Variants in ROBO3 observed in about 807,000 individuals in gnomAD.
ROBO3 encodes the protein roundabout guidance receptor 3.
A neutral mutation model predicts 160.5 loss-of-function variants in ROBO3; 97 were observed. The observed-to-expected ratio is 0.60, with a 90% CI of 0.51 to 0.72. The LOEUF is 0.72. Ranked by LOEUF, ROBO3 falls within the 30% of genes least tolerant of loss-of-function variation. The pLI is 0.00. For missense variants in ROBO3, 1,858 were observed against 1,846.5 expected, an observed-to-expected ratio of 1.01 and a Z score of -0.11; for synonymous variants, 780 against 746.2, an observed-to-expected ratio of 1.05 and a Z score of -0.74.
chr11:124,870,670 C>T lies in ROBO3; in HGVS notation c.975C>T (p.Thr325=). The T allele has an allele frequency of 6.2e-7, 1 of 1,613,230 alleles. No individual in the cohort carries two copies. Among genetic ancestry groups the T allele is most frequent in the Non-Finnish European group, 8.5e-7 (1 of 1,179,666 alleles). ...HVSAEDEGTY[T]CVAENSVGRA... Reference sequence around the variant, plus strand: ...GTGCCGAAGATGAGGGAACGTACACCTGTGTGGCGGAGAACAGTGTGGGCC... The same window carrying T: ...GTGCCGAAGATGAGGGAACGTACACTTGTGTGGCGGAGAACAGTGTGGGCC... Residue 325 remains threonine, a synonymous_variant, in exon 6 of 28, where the codon ACC becomes ACT. Coordinates refer to ENST00000397801, the MANE Select transcript of ROBO3 (RefSeq NM_022370.4).
In ROBO3 at chr11:124,869,438, C is replaced by T. The variant is rs1331555242; in HGVS notation, c.488-12C>T. 1.4e-6 allele frequency: 2 copies of T among 1,450,044 alleles called. No individual in the cohort carries two copies. The highest frequency in any genetic ancestry group is 2.4e-5 in the East Asian group (1 of 41,670). The allele number at this position is 1,450,044 out of a possible 1,614,324, so 89.8% of individuals were successfully genotyped here. ...ACACCCTGCTTATTTCGCCCCCCAC[C>T]GCCCCGCCCAGTCCTCCGTGATGAT... On this transcript the variant is annotated splice_polypyrimidine_tract_variant and intron_variant, in intron 2 of 27. Coordinates refer to ENST00000397801, the MANE Select transcript of ROBO3 (RefSeq NM_022370.4). The surrounding 1 kb of genome is among the most constrained non-coding windows in gnomAD (Gnocchi z 4.2).
rs757061685 is a variant in ROBO3 at position 124,873,733 on chromosome 11, C to G, written c.1655C>G (p.Pro552Arg). Residue 552 changes from proline (P) to arginine (R), a missense_variant, in exon 11 of 28, where the codon CCC (proline) becomes CGC (arginine). By Grantham distance (103) the Pro-to-Arg change is moderately radical. Transcript: ENST00000397801. The surrounding 1 kb of genome is among the most constrained non-coding windows in gnomAD (Gnocchi z 4.5). Reference protein sequence around the residue: ...WGVSPDPPTEPSSPPGAPSQP... With the variant: ...WGVSPDPPTERSSPPGAPSQP... ...GTATCACCAGACCCCCCTACAGAAC[C>G]CAGTTCCCCTCCGGGGGCTCCCTCT... 2.4e-5 allele frequency: 39 copies of G among 1,613,728 alleles called. No individual in the cohort carries two copies. The highest frequency in any genetic ancestry group is 1.3e-4 in the Admixed American group (8 of 60,002).
chr11:124,879,102 A>G, intron 23 of ROBO3, 88 bp from the exon 24 acceptor site: 1 of 1,401,182 alleles, frequency 7.1e-7, no homozygotes, highest in African/African-American at 1.4e-5. Flanking sequence ...TTTATCTGTT[A>G]GGTTGATTGT....
chr11:124,866,835 T>A (rs1054648242), intron 1 of ROBO3, among the ~76,000 whole-genome samples: 1 of 151,738 alleles, frequency 6.6e-6, no homozygotes, highest in Non-Finnish European at 1.5e-5. Flanking sequence ...TATAGAAGGA[T>A]TGGGGAGAAA....
Position 124,877,593 on chromosome 11 carries a change from C to G in ROBO3, c.2921C>G (p.Ser974Trp), listed in dbSNP as rs767125636. Residue 974 changes from serine to tryptophan, a missense_variant, in exon 20 of 28, where the codon TCG (serine) becomes TGG (tryptophan). Coordinates refer to ENST00000397801, the MANE Select transcript of ROBO3 (RefSeq NM_022370.4). Reference protein sequence around the residue: ...DSWPHPSRSPSAQEPRGSCCP... With the variant: ...DSWPHPSRSPWAQEPRGSCCP... The stretch of plus-strand genomic sequence containing the variant: ...TGGCCCCACCCATCTCGAAGCCCCT[C>G]GGCCCAGGAACCCAGGGGAAGCTGC... The G allele has an allele frequency of 4.4e-6, 7 of 1,607,460 alleles. No homozygotes were observed. The highest frequency in any genetic ancestry group is 1.6e-4 in the Middle Eastern group (1 of 6,074).
At position 124,869,429 on chromosome 11, in the gene ROBO3, G is replaced by GCCGCCCCCCCCCCCCCCC; in HGVS notation, c.488-19_488-18insGCCCCCCCCCCCCCCCCC. On this transcript the variant is annotated intron_variant, in intron 2 of 27. Transcript: ENST00000397801. The surrounding 1 kb of genome is among the most constrained non-coding windows in gnomAD (Gnocchi z 4.2). Reference sequence around the variant, plus strand: ...TGTCACTCTACACCCTGCTTATTTCGCCCCCCACCGCCCCGCCCAGTCCTC... The same window carrying GCCGCCCCCCCCCCCCCCC: ...TGTCACTCTACACCCTGCTTATTTCGCCGCCCCCCCCCCCCCCCCCCCCCACCGCCCCGCCCAGTCCTC... The GCCGCCCCCCCCCCCCCCC allele has an allele frequency of 7.7e-7, 1 of 1,295,760 alleles. No individual in the cohort carries two copies. The highest frequency in any genetic ancestry group is 1.1e-6 in the Non-Finnish European group (1 of 929,938). The allele number at this position is 1,295,760 out of a possible 1,614,324, so 80.3% of individuals were successfully genotyped here.
At position 124,878,367 on chromosome 11, in the gene ROBO3, C is replaced by G. The variant is rs779764331; in HGVS notation, c.3251C>G (p.Ala1084Gly). 1.2e-6 allele frequency: 2 copies of G among 1,613,954 alleles called. No individual in the cohort carries two copies. The highest frequency in any genetic ancestry group is 1.7e-6 in the Non-Finnish European group (2 of 1,179,860). Residue 1084 changes from alanine (A) to glycine (G), a missense_variant, in exon 22 of 28, where the codon GCC becomes GGC. By Grantham distance (60) the Ala-to-Gly change is moderately conservative. Transcript: ENST00000397801. This position sits in a 1 kb window ranked among gnomAD's most constrained non-coding sequence, Gnocchi z 4.3. ...VQMPSLNWPE[A>G]LPPPPPSCEL... ...ATGCCCTCTCTGAACTGGCCAGAAG[C>G]CCTGCCCCCACCTCCTCCTTCTTGT...
rs1946252499 is a variant in ROBO3, at chr11:124,869,573, G to C, written c.611G>C (p.Gly204Ala). 6.3e-7 allele frequency: 1 copy of C among 1,574,844 alleles called. No individual in the cohort carries two copies. The highest frequency in any genetic ancestry group is 8.6e-7 in the Non-Finnish European group (1 of 1,159,984). Residue 204 changes from glycine to alanine, a missense_variant, in exon 3 of 28, where the codon GGT becomes GCT. Gly to Ala is a moderately conservative substitution (Grantham distance 60). Transcript: ENST00000397801. This position sits in a 1 kb window ranked among gnomAD's most constrained non-coding sequence, Gnocchi z 4.2. ...CCTTCCGTGTCCTGGAGGAAGGACGGTGCAAGACTCAAGGAAGAGGAAGGA... is the reference window on the plus strand; with the variant it reads ...CCTTCCGTGTCCTGGAGGAAGGACGCTGCAAGACTCAAGGAAGAGGAAGGA... Reference protein sequence around the residue: ...PEPSVSWRKDGARLKEEEGRI... With the variant: ...PEPSVSWRKDAARLKEEEGRI...
rs973603243 is a variant in ROBO3 at position 124,873,476 on chromosome 11, G to A, written c.1618+85G>A. ...GGTAGTCGATACCTCCTCAAACTCC[G>A]GGATTAACTTTATGTCACAAATGCC... is the stretch of plus-strand genomic sequence containing the variant. On this transcript the variant is annotated intron_variant, in intron 10 of 27. Coordinates refer to ENST00000397801, the MANE Select transcript of ROBO3 (RefSeq NM_022370.4). This position sits in a 1 kb window ranked among gnomAD's most constrained non-coding sequence, Gnocchi z 4.5. 3.3e-6 allele frequency: 4 copies of A among 1,227,348 alleles called. No homozygotes were observed. The highest frequency in any genetic ancestry group is 2.5e-5 in the East Asian group (1 of 39,678). The allele number at this position is 1,227,348 out of a possible 1,614,324, so 76.0% of individuals were successfully genotyped here.
intron 1 of ROBO3, chr11:124,868,530 G>C: frequency 4.9e-6 from 3 of 613,154 alleles, no homozygotes; most frequent in Admixed American, 2.6e-5. Context: ...GAGGTCTCTA[G>C]GTGGTCCAGA....
At chr11:124,875,868 G>A in intron 15 of ROBO3, 86 bp from the exon 16 acceptor site, 2 of 1,497,312 alleles carry the variant, frequency 1.3e-6, no homozygotes, top group Non-Finnish European at 1.8e-6. Flanking sequence ...TCTGTATAAG[G>A]CTTCTCTACC....
Position 124,869,819 on chromosome 11 carries a change from T to C in ROBO3, c.646-129T>C. 1 of 1,376,240 alleles carries C rather than the reference T, an allele frequency of 7.3e-7. No individual in the cohort carries two copies. The highest frequency in any genetic ancestry group is 1.0e-6 in the Non-Finnish European group (1 of 1,002,750). The allele number at this position is 1,376,240 out of a possible 1,614,324, so 85.3% of individuals were successfully genotyped here. On this transcript the variant is annotated intron_variant, in intron 3 of 27. Coordinates refer to ENST00000397801, the MANE Select transcript of ROBO3 (RefSeq NM_022370.4). The surrounding 1 kb of genome is among the most constrained non-coding windows in gnomAD (Gnocchi z 4.2). ...CATTTGATATGTGGGTCAACTTCCTTGGTCTCCTTTATCAGCTTGCTGTGA... is the reference window on the plus strand; with the variant it reads ...CATTTGATATGTGGGTCAACTTCCTCGGTCTCCTTTATCAGCTTGCTGTGA...
chr11:124,881,376 G>A lies in ROBO3; in HGVS notation c.*126G>A. On this transcript the variant is annotated 3_prime_UTR_variant, in exon 28 of 28. Coordinates refer to ENST00000397801, the MANE Select transcript of ROBO3 (RefSeq NM_022370.4). ...TTGGTTTCCACGATTTCAATTGGCT[G>A]AGAAGGCAGAGAGCTAGCTCCTCCC... The A allele has an allele frequency of 1.1e-6, 1 of 876,462 alleles. No homozygotes were observed. The highest frequency in any genetic ancestry group is 1.8e-6 in the Non-Finnish European group (1 of 545,462). 54.3% of individuals were successfully genotyped at this position (876,462 alleles called of 1,614,324 possible).
Position 124,875,586 on chromosome 11 carries a change from A to G in ROBO3, c.2322A>G (p.Gly774=), listed in dbSNP as rs1247046180. ...CAGCCCCCAGTGGCCCCCCACAGGG[A>G]GTGGCGGTGGCCTTGGGGGGTGATG... is the stretch of plus-strand genomic sequence containing the variant. ...PEEAPSGPPQ[G]VAVALGGDGN... Residue 774 remains glycine, a synonymous_variant, in exon 15 of 28, where the codon GGA becomes GGG. Coordinates refer to ENST00000397801, the MANE Select transcript of ROBO3 (RefSeq NM_022370.4). 6.2e-7 allele frequency: 1 copy of G among 1,611,692 alleles called. No homozygotes were observed. Among genetic ancestry groups the G allele is most frequent in the Non-Finnish European group, 8.5e-7 (1 of 1,179,008 alleles).
At position 124,870,159 on chromosome 11, in the gene ROBO3, C is replaced by T. The variant is rs763698369; in HGVS notation, c.767-6C>T. ...CCCTGACTGTTCACTCACTACCACTCCATAGAGCGTCCCTCATTCCTGCGC... is the reference window on the plus strand; with the variant it reads ...CCCTGACTGTTCACTCACTACCACTTCATAGAGCGTCCCTCATTCCTGCGC... On this transcript the variant is annotated splice_polypyrimidine_tract_variant and splice_region_variant and intron_variant, in intron 4 of 27. Transcript: ENST00000397801. 3.1e-6 allele frequency: 5 copies of T among 1,614,036 alleles called. No homozygotes were observed. The highest frequency in any genetic ancestry group is 4.2e-6 in the Non-Finnish European group (5 of 1,179,898).
Position 124,865,948 on chromosome 11 carries a change from A to T in ROBO3, c.160+211A>T, listed in dbSNP as rs1214523200. Among the ~76,000 whole-genome samples the T allele has an allele frequency of 6.6e-6, 1 of 152,184 alleles. No homozygotes were observed. The highest frequency in any genetic ancestry group is 1.5e-5 in the Non-Finnish European group (1 of 68,028). ...CGGGAGGTCGAGGGCTTGGGAGAAG[A>T]TGGCTACTGAGTCTTTTTACACCTC... On this transcript the variant is annotated intron_variant, in intron 1 of 27. Transcript: ENST00000397801. This position sits in a 1 kb window ranked among gnomAD's most constrained non-coding sequence, Gnocchi z 5.5.
In ROBO3 at chr11:124,865,952, C is replaced by A. The variant is rs747188763; in HGVS notation, c.160+215C>A. 2.1e-4 allele frequency among the ~76,000 whole-genome samples: 32 copies of A among 152,224 alleles called. No homozygotes were observed. Among genetic ancestry groups the A allele is most frequent in the Non-Finnish European group, 4.6e-4 (31 of 68,036 alleles). ...AGGTCGAGGGCTTGGGAGAAGATGG[C>A]TACTGAGTCTTTTTACACCTCCTTC... On this transcript the variant is annotated intron_variant, in intron 1 of 27. Coordinates refer to ENST00000397801, the MANE Select transcript of ROBO3 (RefSeq NM_022370.4). This position sits in a 1 kb window ranked among gnomAD's most constrained non-coding sequence, Gnocchi z 5.5.
Position 124,874,816 on chromosome 11 carries a change from C to T in ROBO3, c.1980C>T (p.Asp660=). ...GCAGCCCCTCTAGGCCAGTGGAGGA[C>T]CCATGGAGAGGCCAGCAGGGACTGG... ...QDSSPSRPVE[D]PWRGQQGLAE... Residue 660 remains aspartate (D), a synonymous_variant, in exon 13 of 28, where the codon GAC becomes GAT. Coordinates refer to ENST00000397801, the MANE Select transcript of ROBO3 (RefSeq NM_022370.4). The T allele has an allele frequency of 6.2e-7, 1 of 1,605,816 alleles. No individual in the cohort carries two copies. The highest frequency in any genetic ancestry group is 8.5e-7 in the Non-Finnish European group (1 of 1,176,296).
rs773120967 is a variant in ROBO3 at position 124,873,074 on chromosome 11, C to T, written c.1521C>T (p.Tyr507=). The T allele has an allele frequency of 6.2e-7, 1 of 1,613,472 alleles. No homozygotes were observed. The highest frequency in any genetic ancestry group is 8.5e-7 in the Non-Finnish European group (1 of 1,179,696). The stretch of plus-strand genomic sequence containing the variant: ...AGACAATGGCCAACGGTACCCTGTA[C>T]ATCGCCAATGTGCAGGTGAGTGTCA... ...QFKTMANGTL[Y]IANVQEMDMG... The change falls in exon 9 of 28, where the codon TAC becomes TAT. Residue 507 remains tyrosine (Y), a synonymous_variant. Coordinates refer to ENST00000397801, the MANE Select transcript of ROBO3 (RefSeq NM_022370.4). The surrounding 1 kb of genome is among the most constrained non-coding windows in gnomAD (Gnocchi z 4.5).
Sources: allele counts gnomAD v4.1 joint callset (sites outside exome capture counted in the v4.1 genomes callset), GRCh38; gene constraint gnomAD v4.1.1; non-coding constraint Gnocchi (gnomAD v3.1); transcripts MANE v1.5; gene names NCBI Gene and HGNC (gene_info 2026-07-23, HGNC 2026-07-21).